POU2AF3: variants seen among roughly 807,000 people sequenced by gnomAD.
POU2AF3 encodes the protein POU class 2 homeobox associating factor 3.
the POU2AF3 span, among the ~76,000 whole-genome samples, chr11:111,301,484 C>G: frequency 7.0e-6 from 1 of 142,268 alleles, no homozygotes; most frequent in African/African-American, 2.6e-5. Context: ...ATCTGCCCCA[C>G]AACAGTTTTT....
the POU2AF3 span, chr11:111,298,733 G>A: frequency 1.8e-6 from 2 of 1,099,232 alleles, no homozygotes; most frequent in African/African-American, 1.6e-5. Context: ...GAGAGGACGC[G>A]AGCCACGCTG....
chr11:111,298,921 C>T, the POU2AF3 span: 1 of 1,072,884 alleles, frequency 9.3e-7, no homozygotes, highest in Non-Finnish European at 1.1e-6. Flanking sequence ...GAGCTAGAGG[C>T]TCACAGTGAG....
the POU2AF3 span, chr11:111,306,636 A>T: frequency 6.5e-7 from 1 of 1,531,114 alleles, no homozygotes; most frequent in South Asian, 1.2e-5. Context: ...AATTTTTCTC[A>T]GTTCTTTATA....
At chr11:111,306,577 T>G in the POU2AF3 span, 2,225 of 1,551,732 alleles carry the variant, frequency 1.4e-3, 2 homozygotes, top group Non-Finnish European at 1.8e-3. Flanking sequence ...CCACACCATT[T>G]CCCAGACAGC....
chr11:111,299,041 C>A, the POU2AF3 span: 1 of 990,350 alleles, frequency 1.0e-6, no homozygotes, highest in Non-Finnish European at 1.2e-6. Flanking sequence ...GATCGGGGAA[C>A]GGGGTGGTGG....
the POU2AF3 span, among the ~76,000 whole-genome samples, chr11:111,302,276 A>G: frequency 6.6e-6 from 1 of 152,254 alleles, no homozygotes; most frequent in Non-Finnish European, 1.5e-5. Context: ...ATCTGACGAT[A>G]CTAAGCAGGA....
At chr11:111,304,538 G>T in the POU2AF3 span, among the ~76,000 whole-genome samples, 1 of 152,062 alleles carries the variant, frequency 6.6e-6, no homozygotes, top group Non-Finnish European at 1.5e-5. Context: ...CATAATATTG[G>T]TTGTATTTAA....
chr11:111,306,976 C>T, the POU2AF3 span, among the ~76,000 whole-genome samples: 1 of 152,108 alleles, frequency 6.6e-6, no homozygotes, highest in Non-Finnish European at 1.5e-5. Context: ...TAAACAATGG[C>T]TCTTGGATTT....
At chr11:111,299,815 A>G in the POU2AF3 span, 672,135 of 948,442 alleles carry the variant, frequency 0.71, 239,625 homozygotes, top group South Asian at 0.83. Context: ...GAGAAAAGGG[A>G]CGAGGGAGAG....
the POU2AF3 span, among the ~76,000 whole-genome samples, chr11:111,305,692 C>T: frequency 6.6e-6 from 1 of 152,154 alleles, no homozygotes; most frequent in Non-Finnish European, 1.5e-5. Context: ...CAAATTGGGC[C>T]TATTAATAAT....
At chr11:111,307,415 C>T in the POU2AF3 span, among the ~76,000 whole-genome samples, 4 of 151,964 alleles carry the variant, frequency 2.6e-5, no homozygotes, top group Non-Finnish European at 5.9e-5. Flanking sequence ...AATTTTAGAG[C>T]GGATGGGAAA....
the POU2AF3 span, chr11:111,304,876 C>T: frequency 7.4e-6 from 8 of 1,082,138 alleles, no homozygotes; most frequent in Non-Finnish European, 5.9e-6. Context: ...TTAGCTTTCC[C>T]TTCAGAGCAT....
At chr11:111,306,295 TC>T in the POU2AF3 span, 6 of 571,928 alleles carry the variant, frequency 1.0e-5, no homozygotes, top group African/African-American at 5.8e-5. Context: ...AAGCCCCCTT[TC>T]CCCCTAGACA....
chr11:111,308,059 A>G, the POU2AF3 span: 736 of 1,476,716 alleles, frequency 5.0e-4, no homozygotes, highest in Non-Finnish European at 6.2e-4. Flanking sequence ...CTTGGTTGTC[A>G]TTTCTCTAGA....
At chr11:111,299,564 G>A in the POU2AF3 span, 3 of 1,209,292 alleles carry the variant, frequency 2.5e-6, no homozygotes, top group Non-Finnish European at 3.1e-6. Flanking sequence ...CAGTCCGACC[G>A]GGCCCCGCCA....
At chr11:111,298,550 T>C in the POU2AF3 span, 1 of 1,246,508 alleles carries the variant, frequency 8.0e-7, no homozygotes, top group Non-Finnish European at 1.0e-6. Context: ...TGCTGCAGCA[T>C]CCAGCCACCG....
the POU2AF3 span, chr11:111,298,749 G>A: frequency 3.6e-6 from 4 of 1,102,300 alleles, no homozygotes; most frequent in Non-Finnish European, 4.6e-6. Context: ...CGCTGTGGCC[G>A]CTCCCACTCA....
chr11:111,299,843 C>A, the POU2AF3 span: 2 of 719,968 alleles, frequency 2.8e-6, no homozygotes, highest in Non-Finnish European at 3.8e-6. Flanking sequence ...AAGGCAAAGA[C>A]AGAAGGGAGC....
chr11:111,306,583 A>G, the POU2AF3 span: 1 of 1,551,576 alleles, frequency 6.4e-7, no homozygotes, highest in Admixed American at 2.0e-5. Flanking sequence ...CATTTCCCAG[A>G]CAGCTTCCAG....
Sources: allele counts gnomAD v4.1 joint callset (sites outside exome capture counted in the v4.1 genomes callset), GRCh38; gene constraint gnomAD v4.1.1; transcripts MANE v1.5; gene names NCBI Gene and HGNC (gene_info 2026-07-23, HGNC 2026-07-21).